Variants in RAP1GAP2 observed in about 807,000 individuals in gnomAD.
The protein encoded by RAP1GAP2 is rap1 GTPase-activating protein 2.
Under a neutral mutation model 95.0 loss-of-function variants are expected in RAP1GAP2, and 27 were observed. The observed-to-expected ratio is 0.28, with a 90% CI of 0.21 to 0.39. The LOEUF (loss-of-function observed/expected upper bound fraction) is 0.39. Among genes scored for constraint, RAP1GAP2 ranks in the 10% least tolerant of loss-of-function variants. The pLI is 1.00. For synonymous variants in RAP1GAP2, 373 were observed against 380.9 expected, an observed-to-expected ratio of 0.98 and a Z score of 0.24; for missense variants, 771 against 970.0, an observed-to-expected ratio of 0.79 and a Z score of 2.72.
chr17:2,948,940 A>G (rs1360338564), intron 3 of RAP1GAP2, among the ~76,000 whole-genome samples: 1 of 152,208 alleles, frequency 6.6e-6, no homozygotes, highest in African/African-American at 2.4e-5. Flanking sequence ...GCATTGGGAA[A>G]GATCCCTCAA....
At chr17:2,921,238 C>T (rs2042758932) in intron 3 of RAP1GAP2, among the ~76,000 whole-genome samples, 1 of 151,808 alleles carries the variant, frequency 6.6e-6, no homozygotes, top group South Asian at 2.1e-4. Flanking sequence ...CTCACTCTGT[C>T]ACCCAGGCTG....
Position 2,800,590 on chromosome 17 carries a change from C to T in RAP1GAP2, c.80+40C>T, listed in dbSNP as rs199708367. ...CCTGTTCTGTAAAGGTCAGAGATGA[C>T]GCGGATCAGAGCGCCGGGCCCTTGC... On this transcript the variant is annotated intron_variant, in intron 2 of 24. Coordinates refer to ENST00000254695, the MANE Select transcript of RAP1GAP2 (RefSeq NM_015085.5). 51 of 1,601,106 alleles carry T rather than the reference C, an allele frequency of 3.2e-5. No individual in the cohort carries two copies. In the Middle Eastern group the frequency reaches 1.2e-3, roughly 36 times the overall value.
intron 11 of RAP1GAP2, 36 bp downstream of exon 11, chr17:2,985,102 G>T: frequency 1.2e-6 from 2 of 1,611,886 alleles, no homozygotes. Flanking sequence ...ACTGTATCCC[G>T]TGGTTTCTCA....
At chr17:2,772,640 G>C (rs989080974), upstream of RAP1GAP2, among the ~76,000 whole-genome samples, 1 of 151,746 alleles carries the variant, frequency 6.6e-6, no homozygotes, top group Non-Finnish European at 1.5e-5. Flanking sequence ...CAAATGCTTT[G>C]CAGGAATAAA....
chr17:2,817,468 C>A (rs1191178342), intron 2 of RAP1GAP2, among the ~76,000 whole-genome samples: 1 of 119,060 alleles, frequency 8.4e-6, no homozygotes. Flanking sequence ...GTTTTCAGTT[C>A]TTTTGGGTAT....
At chr17:2,801,594 GGTATGTGTGTGTGTGTGTGT>G (rs1368982069) in intron 2 of RAP1GAP2, among the ~76,000 whole-genome samples, 10 of 126,048 alleles carry the variant, frequency 7.9e-5, no homozygotes, top group East Asian at 4.5e-4. Flanking sequence ...AACACTCCAG[GGTATGTGTGTGTGTGTGTGT>G]GTGTGTGTGT....
At chr17:2,757,777 T>C (rs562241178) in intron 1 of RAP1GAP2, among the ~76,000 whole-genome samples, 1 of 152,200 alleles carries the variant, frequency 6.6e-6, no homozygotes, top group South Asian at 2.1e-4. Flanking sequence ...ATTTAAGGCG[T>C]AGAGCTTGGA....
intron 2 of RAP1GAP2, among the ~76,000 whole-genome samples, chr17:2,883,790 TG>T (rs35868641): frequency 0.23 from 34,460 of 152,188 alleles, 4,079 homozygotes; most frequent in African/African-American, 0.29. Context: ...CCTCATGGCC[TG>T]GGGCCTCGCC....
intron 17 of RAP1GAP2, among the ~76,000 whole-genome samples, chr17:3,013,528 C>G (rs1392831347): frequency 6.6e-6 from 1 of 152,140 alleles, no homozygotes; most frequent in Admixed American, 6.5e-5. Flanking sequence ...AGCCTGCCGC[C>G]TCCTCACACT....
Position 3,008,206 on chromosome 17 carries a change from G to A in RAP1GAP2, c.1494+61G>A, listed in dbSNP as rs1426539702. 1 of 1,603,236 alleles carries A rather than the reference G, an allele frequency of 6.2e-7. No homozygotes were observed. Among genetic ancestry groups the A allele is most frequent in the East Asian group, 2.2e-5 (1 of 44,786 alleles). ...GTTGGGATTGGGGAAGAAAGGAAGT[G>A]GTCCAAGGTCCATGGGATACTGATC... On this transcript the variant is annotated intron_variant, in intron 17 of 24. Coordinates refer to ENST00000254695, the MANE Select transcript of RAP1GAP2 (RefSeq NM_015085.5). This position sits in a 1 kb window ranked among gnomAD's most constrained non-coding sequence, Gnocchi z 4.2.
chr17:2,770,444 A>T (rs1189854838), exon 2 of RAP1GAP2: 1 of 398,712 alleles, frequency 2.5e-6, no homozygotes, highest in Non-Finnish European at 4.4e-6. Context: ...GTCTCCCTCC[A>T]GGTAAAGGGG....
At chr17:2,813,485 T>G in intron 2 of RAP1GAP2, among the ~76,000 whole-genome samples, 1 of 151,124 alleles carries the variant, frequency 6.6e-6, no homozygotes, top group Non-Finnish European at 1.5e-5. Context: ...ATGACTCAGG[T>G]CAGGCTGGAT....
chr17:2,941,248 A>C (rs1274376908), intron 3 of RAP1GAP2, among the ~76,000 whole-genome samples: 2 of 152,064 alleles, frequency 1.3e-5, no homozygotes, highest in Non-Finnish European at 1.5e-5. Flanking sequence ...CTAAAAACAC[A>C]AAAATTAGCT....
intron 1 of RAP1GAP2, among the ~76,000 whole-genome samples, chr17:2,769,675 G>T (rs1000092474): frequency 2.0e-5 from 3 of 152,220 alleles, no homozygotes; most frequent in Admixed American, 6.5e-5. Flanking sequence ...CTTGCCTGAT[G>T]CCTGAATTGC....
intron 3 of RAP1GAP2, among the ~76,000 whole-genome samples, chr17:2,957,438 C>T (rs1393614885): frequency 2.0e-5 from 3 of 152,206 alleles, no homozygotes; most frequent in Non-Finnish European, 4.4e-5. Flanking sequence ...GGCTGAATGC[C>T]GAGGACGATA....
At chr17:2,858,057 G>A (rs2072219385) in intron 2 of RAP1GAP2, among the ~76,000 whole-genome samples, 1 of 152,156 alleles carries the variant, frequency 6.6e-6, no homozygotes, top group African/African-American at 2.4e-5. Context: ...CTGAGATTGT[G>A]CCACTGCACT....
intron 2 of RAP1GAP2, among the ~76,000 whole-genome samples, chr17:2,850,049 G>A (rs1326769877): frequency 7.4e-6 from 1 of 135,162 alleles, no homozygotes; most frequent in African/African-American, 2.8e-5. Context: ...TGCCCAGGCT[G>A]GAGTGCAGTG....
At chr17:2,973,474 C>T (rs2044960686) in intron 8 of RAP1GAP2, among the ~76,000 whole-genome samples, 1 of 152,194 alleles carries the variant, frequency 6.6e-6, no homozygotes, top group Non-Finnish European at 1.5e-5. Flanking sequence ...CGAGATCACA[C>T]CACTGCACTC....
At chr17:2,885,028 CTTTTTTTTTTT>C (rs891984333) in intron 2 of RAP1GAP2, among the ~76,000 whole-genome samples, 17 of 112,496 alleles carry the variant, frequency 1.5e-4, no homozygotes, top group African/African-American at 4.0e-4. Flanking sequence ...TTATTTCTTT[CTTTTTTTTTTT>C]TTTTTTTTTT....
Sources: gnomAD v4.1 joint callset for allele counts (sites outside exome capture counted in the v4.1 genomes callset) on GRCh38, gnomAD v4.1.1 for gene constraint, Gnocchi (gnomAD v3.1) non-coding constraint, MANE v1.5 for transcripts, NCBI Gene and HGNC (gene_info 2026-07-23, HGNC 2026-07-21) for gene names.